RYR3: variants seen among roughly 807,000 people sequenced by gnomAD.
The protein encoded by RYR3 is brain ryanodine receptor-calcium release channel.
Under a neutral mutation model 584.3 loss-of-function variants are expected in RYR3, and 207 were observed. The ratio of observed to expected loss-of-function variants is 0.35; its 90% CI spans 0.32 to 0.40. The LOEUF (loss-of-function observed/expected upper bound fraction) is 0.40. Among genes scored for constraint, RYR3 ranks in the 10% least tolerant of loss-of-function variants. RYR3 has a pLI of 1.00. For synonymous variants in RYR3, 2,416 were observed against 2,248.5 expected (o/e 1.07, Z -2.11); for missense variants, 5,616 against 6,089.2 (o/e 0.92, Z 2.59).
chr15:33,342,816 CATTTCTT>C (rs1368792154), intron 1 of RYR3, among the ~76,000 whole-genome samples: 1 of 152,126 alleles, frequency 6.6e-6, no homozygotes, highest in Non-Finnish European at 1.5e-5. Flanking sequence ...AAGAAAAAGA[CATTTCTT>C]ATTAACTCAC....
intron 19 of RYR3, among the ~76,000 whole-genome samples, chr15:33,618,695 C>T (rs568670992): frequency 9.2e-5 from 14 of 152,270 alleles, no homozygotes; most frequent in Non-Finnish European, 1.8e-4. Context: ...GGGAGGAATT[C>T]GATAGCAGAT....
intron 10 of RYR3, among the ~76,000 whole-genome samples, chr15:33,560,442 G>C: frequency 1.4e-5 from 1 of 73,646 alleles, no homozygotes; most frequent in East Asian, 2.3e-4. Context: ...CAGAAAAACA[G>C]ATCTTTGTAT....
chr15:33,729,866 T>C (rs2068796983), intron 47 of RYR3, among the ~76,000 whole-genome samples: 1 of 152,198 alleles, frequency 6.6e-6, no homozygotes, highest in Non-Finnish European at 1.5e-5. Flanking sequence ...ATCTGAGCTC[T>C]GTGATGGGTT....
chr15:33,545,857 C>T (rs2056199972), intron 8 of RYR3, among the ~76,000 whole-genome samples: 1 of 152,118 alleles, frequency 6.6e-6, no homozygotes, highest in Non-Finnish European at 1.5e-5. Flanking sequence ...GTTTTCAGTC[C>T]CTGTAAATCC....
chr15:33,542,403 G>A (rs1218602910), intron 7 of RYR3, among the ~76,000 whole-genome samples: 1 of 152,038 alleles, frequency 6.6e-6, no homozygotes, highest in African/African-American at 2.4e-5. Context: ...TGGTCATGGA[G>A]GGCTTTAATT....
At position 33,780,263 on chromosome 15, in the gene RYR3, G is replaced by A; in HGVS notation, c.9190G>A (p.Val3064Met). Reference protein sequence around the residue: ...CLASLAAAIPVAFLEPTLNRY... With the variant: ...CLASLAAAIPMAFLEPTLNRY... ...GGCCTCGCTGGCAGCTGCCATACCA[G>A]TGGCATTCCTGGAGCCCACCCTTAA... Residue 3064 changes from valine to methionine, a missense_variant, in exon 65 of 104, where the codon GTG (valine) becomes ATG (methionine). Physicochemically the swap from Val to Met is conservative, Grantham distance 21 (BLOSUM62 1). Transcript: ENST00000634891. The A allele has an allele frequency of 6.2e-7, 1 of 1,613,868 alleles. No homozygotes were observed. The highest frequency in any genetic ancestry group is 8.5e-7 in the Non-Finnish European group (1 of 1,179,786).
At chr15:33,314,324 A>G (rs1176256026) in intron 1 of RYR3, among the ~76,000 whole-genome samples, 1 of 152,162 alleles carries the variant, frequency 6.6e-6, no homozygotes, top group Non-Finnish European at 1.5e-5. Flanking sequence ...AGTGTCATTG[A>G]CGTGGCTCTG....
chr15:33,551,531 G>C (rs1254136344), intron 10 of RYR3, among the ~76,000 whole-genome samples: 1 of 152,158 alleles, frequency 6.6e-6, no homozygotes, highest in African/African-American at 2.4e-5. Context: ...TTTTTAGGCA[G>C]AGAAACTCTT....
At chr15:33,609,396 C>T (rs2060059715) in intron 18 of RYR3, among the ~76,000 whole-genome samples, 1 of 152,228 alleles carries the variant, frequency 6.6e-6, no homozygotes, top group Non-Finnish European at 1.5e-5. Flanking sequence ...AGGTGAAAAC[C>T]TGTAATCCCA....
At chr15:33,538,156 C>T (rs1195563298) in intron 5 of RYR3, among the ~76,000 whole-genome samples, 2 of 152,208 alleles carry the variant, frequency 1.3e-5, no homozygotes, top group African/African-American at 4.8e-5. Context: ...AGTCTCTTCT[C>T]TTTTCACTTT....
chr15:33,498,081 A>G (rs1456338621), intron 2 of RYR3, among the ~76,000 whole-genome samples: 1 of 152,228 alleles, frequency 6.6e-6, no homozygotes, highest in Non-Finnish European at 1.5e-5. Flanking sequence ...TCCATTATAC[A>G]TATGTGCCAC....
In RYR3 at chr15:33,748,096, G is replaced by A. The variant is rs776241428; in HGVS notation, c.7990-18G>A. 16 of 1,612,612 alleles carry A rather than the reference G, an allele frequency of 9.9e-6. No homozygotes were observed. The highest frequency in any genetic ancestry group is 1.4e-5 in the Non-Finnish European group (16 of 1,179,534). On this transcript the variant is annotated intron_variant, in intron 53 of 103. Coordinates refer to ENST00000634891, the MANE Select transcript of RYR3 (RefSeq NM_001036.6). ...GGGGTGTGTTCTGCAAAGTGCTTCT[G>A]CTCAAATTCTCTTCTAGGAGAAGGA... is the stretch of plus-strand genomic sequence containing the variant.
intron 36 of RYR3, among the ~76,000 whole-genome samples, chr15:33,668,188 G>T (rs867054065): frequency 6.6e-6 from 1 of 151,786 alleles, no homozygotes; most frequent in African/African-American, 2.4e-5. Context: ...GTGTTGGCGG[G>T]CGCCTGTGGT....
intron 86 of RYR3, among the ~76,000 whole-genome samples, chr15:33,833,595 C>A (rs1247413747): frequency 6.6e-6 from 1 of 152,220 alleles, no homozygotes; most frequent in Non-Finnish European, 1.5e-5. Flanking sequence ...TGATAAGCAT[C>A]TGATTTGATC....
chr15:33,387,702 T>C (rs2041711797), intron 1 of RYR3, among the ~76,000 whole-genome samples: 1 of 152,100 alleles, frequency 6.6e-6, no homozygotes, highest in South Asian at 2.1e-4. Context: ...GGATTTTTTT[T>C]CTTATGATTC....
At chr15:33,827,021 C>T (rs555437181) in intron 84 of RYR3, among the ~76,000 whole-genome samples, 178 bp from the exon 85 acceptor site, 152 of 152,258 alleles carry the variant, frequency 1.0e-3, no homozygotes, top group African/African-American at 3.5e-3. Flanking sequence ...TTCTGGTGTC[C>T]GCAGGTTGGG....
intron 75 of RYR3, 54 bp downstream of exon 75, chr15:33,817,012 G>C (rs142933481): frequency 1.9e-6 from 2 of 1,051,548 alleles, no homozygotes; most frequent in African/African-American, 3.1e-5. Flanking sequence ...TTTGATTTTC[G>C]AATTCATGTG....
chr15:33,397,944 T>G (rs1388088119), intron 1 of RYR3, among the ~76,000 whole-genome samples: 2 of 152,202 alleles, frequency 1.3e-5, no homozygotes, highest in African/African-American at 4.8e-5. Flanking sequence ...TGGGCTCCCT[T>G]TGTCCACAAG....
intron 1 of RYR3, among the ~76,000 whole-genome samples, chr15:33,438,106 G>A (rs2045895612): frequency 6.6e-6 from 1 of 152,128 alleles, no homozygotes; most frequent in African/African-American, 2.4e-5. Flanking sequence ...ACGATGTGAT[G>A]TTTTTTGAAC....
Sources: allele counts gnomAD v4.1 joint callset (sites outside exome capture counted in the v4.1 genomes callset), GRCh38; gene constraint gnomAD v4.1.1; transcripts MANE v1.5; gene names NCBI Gene and HGNC (gene_info 2026-07-23, HGNC 2026-07-21).